Variants in PRDM16 observed in about 807,000 individuals in gnomAD.
PRDM16 encodes the protein histone-lysine N-methyltransferase PRDM16.
PRDM16 carries 23 observed loss-of-function variants against 110.6 expected under a neutral mutation model. The observed-to-expected ratio is 0.21, with a 90% CI of 0.15 to 0.29. PRDM16 has a LOEUF of 0.29. PRDM16 is among the 10% of genes least tolerant of loss of function. PRDM16 has a pLI of 1.00. For missense variants in PRDM16, 1,615 were observed against 1,794.3 expected (o/e 0.90, Z 1.81); for synonymous variants, 799 against 781.8 (o/e 1.02, Z -0.37).
In PRDM16 at chr1:3,327,262, A is replaced by T. The variant is rs1641934106; in HGVS notation, c.439-57890A>T. Among the ~76,000 whole-genome samples, 3 of 152,182 alleles carry T rather than the reference A, an allele frequency of 2.0e-5. No individual in the cohort carries two copies. The South Asian group carries it at 6.2e-4, about 31-fold the overall frequency. Reference sequence around the variant, plus strand: ...ATCCAGGTGTGGCCGCCCCATGCAGAACTCTGCCTGTGAGGTCTTTGCTGG... The same window carrying T: ...ATCCAGGTGTGGCCGCCCCATGCAGTACTCTGCCTGTGAGGTCTTTGCTGG... On this transcript the variant is annotated intron_variant, in intron 3 of 16. Transcript: ENST00000270722.
chr1:3,266,832 C>T (rs1424764291), intron 3 of PRDM16, among the ~76,000 whole-genome samples: 1 of 152,138 alleles, frequency 6.6e-6, no homozygotes, highest in Non-Finnish European at 1.5e-5. Flanking sequence ...ACCGCCCCCA[C>T]GCCCGGCTAA....
intron 3 of PRDM16, among the ~76,000 whole-genome samples, chr1:3,251,019 G>T (rs529093445): frequency 6.6e-6 from 1 of 152,194 alleles, no homozygotes; most frequent in Non-Finnish European, 1.5e-5. Context: ...CTTCTATTGT[G>T]CTGAGGCTTT....
chr1:3,291,709 G>A (rs1482020968), intron 3 of PRDM16, among the ~76,000 whole-genome samples: 4 of 152,254 alleles, frequency 2.6e-5, no homozygotes, highest in Non-Finnish European at 5.9e-5. Flanking sequence ...GGCAGTGCGG[G>A]GGAGCTTGTT....
intron 1 of PRDM16, among the ~76,000 whole-genome samples, chr1:3,123,731 TC>T (rs1643145157): frequency 6.6e-6 from 1 of 152,186 alleles, no homozygotes; most frequent in Admixed American, 6.5e-5. Flanking sequence ...CTCATTTGCC[TC>T]CCGGTGGCCC....
chr1:3,140,977 G>T (rs746366410), intron 1 of PRDM16, among the ~76,000 whole-genome samples: 1 of 152,182 alleles, frequency 6.6e-6, no homozygotes, highest in Non-Finnish European at 1.5e-5. Flanking sequence ...CCCCAGCATG[G>T]AAACCCAGAG....
chr1:3,387,974 G>A (rs1490582345), intron 4 of PRDM16, among the ~76,000 whole-genome samples: 1 of 152,196 alleles, frequency 6.6e-6, no homozygotes, highest in African/African-American at 2.4e-5. Flanking sequence ...ACGGCCGCAC[G>A]GCCTCGGCAG....
intron 3 of PRDM16, among the ~76,000 whole-genome samples, chr1:3,331,260 G>T (rs903067681): frequency 6.6e-6 from 1 of 151,974 alleles, no homozygotes; most frequent in African/African-American, 2.4e-5. Flanking sequence ...TGCCAGCCTG[G>T]GGGGGGCGCA....
At position 3,092,490 on chromosome 1, in the gene PRDM16, G is replaced by A. The variant is rs1241327624; in HGVS notation, c.37+23194G>A. ...ATCGGGGCATTGTGACCATGGACAT[G>A]CTGGGAGCTGTCTTTTTATTTCCGT... On this transcript the variant is annotated intron_variant, in intron 1 of 16. Coordinates refer to ENST00000270722, the MANE Select transcript of PRDM16 (RefSeq NM_022114.4). 2.4e-5 allele frequency among the ~76,000 whole-genome samples: 3 copies of A among 122,476 alleles called. No individual in the cohort carries two copies. The East Asian group carries it at 7.3e-4, about 30-fold the overall frequency. The allele number at this position is 122,476 out of a possible 152,430, so 80.3% of individuals were successfully genotyped here.
chr1:3,378,116 T>A (rs1643027264), intron 3 of PRDM16, among the ~76,000 whole-genome samples: 1 of 152,174 alleles, frequency 6.6e-6, no homozygotes, highest in Admixed American at 6.5e-5. Flanking sequence ...CTTGGCGCTG[T>A]CCCCACCTGG....
chr1:3,114,500 G>GCACGCACACACA (rs1642903845), intron 1 of PRDM16, among the ~76,000 whole-genome samples: 1 of 150,000 alleles, frequency 6.7e-6, no homozygotes. Context: ...ACGCACACAC[G>GCACGCACACACA]CGCATGCACA....
At chr1:3,367,852 C>T (rs906905021) in intron 3 of PRDM16, among the ~76,000 whole-genome samples, 2 of 152,044 alleles carry the variant, frequency 1.3e-5, no homozygotes, top group African/African-American at 4.8e-5. Context: ...AAAAGGCAAG[C>T]TTGTCTTCAA....
rs528676026 is a variant in PRDM16, at chr1:3,353,003, G to A, written c.439-32149G>A. Among the ~76,000 whole-genome samples, 9 of 152,338 alleles carry A rather than the reference G, an allele frequency of 5.9e-5. No homozygotes were observed. In the East Asian group the frequency reaches 9.7e-4, roughly 16 times the overall value. ...CGTGGCCGGAGGCAGAGGGCTTCCC[G>A]GTTGGGCTGAGGGCTGTTTCAGAGC... On this transcript the variant is annotated intron_variant, in intron 3 of 16. Transcript: ENST00000270722. The surrounding 1 kb of genome is among the most constrained non-coding windows in gnomAD (Gnocchi z 5.4).
chr1:3,105,771 A>G (rs1642638123), intron 1 of PRDM16, among the ~76,000 whole-genome samples: 1 of 152,238 alleles, frequency 6.6e-6, no homozygotes, highest in African/African-American at 2.4e-5. Flanking sequence ...TCCCGCCCTG[A>G]GAACGGGGCT....
chr1:3,412,259 G>A lies in PRDM16; in HGVS notation c.2062G>A (p.Ala688Thr), dbSNP rs367580261. ...PDEQLLTATG[A>T]AGDSIKAIAS... The stretch of plus-strand genomic sequence containing the variant: ...CGAGCAGCTGCTGACTGCAACGGGC[G>A]CCGCCGGGGACTCCATCAAGGCCAT... Residue 688 changes from alanine to threonine, a missense_variant, in exon 9 of 17, where the codon GCC (alanine) becomes ACC (threonine). By Grantham distance (58) the Ala-to-Thr change is moderately conservative. This residue lies in a region of PRDM16 where 772 missense variants were observed against 748.3 expected (regional missense o/e 1.03). Transcript: ENST00000270722. 96 of 1,612,236 alleles carry A rather than the reference G, an allele frequency of 6.0e-5. No individual in the cohort carries two copies. The highest frequency in any genetic ancestry group is 4.5e-4 in the East Asian group (20 of 44,814).
intron 5 of PRDM16, among the ~76,000 whole-genome samples, chr1:3,398,982 T>G (rs1041603989): frequency 6.6e-6 from 1 of 152,192 alleles, no homozygotes; most frequent in Non-Finnish European, 1.5e-5. Flanking sequence ...GCTGGACACA[T>G]TCCCTCTGCA....
intron 1 of PRDM16, among the ~76,000 whole-genome samples, chr1:3,137,552 T>G (rs952988906): frequency 6.6e-6 from 1 of 152,092 alleles, no homozygotes; most frequent in Non-Finnish European, 1.5e-5. Context: ...TGTGGCAAGG[T>G]CCCGAAGAAC....
intron 3 of PRDM16, among the ~76,000 whole-genome samples, chr1:3,336,821 T>C (rs1479524993): frequency 6.6e-6 from 1 of 151,146 alleles, no homozygotes; most frequent in African/African-American, 2.4e-5. Context: ...AGTGAGTCTG[T>C]GTGTGCATGA....
At chr1:3,281,610 T>C (rs1640712795) in intron 3 of PRDM16, among the ~76,000 whole-genome samples, 1 of 152,162 alleles carries the variant, frequency 6.6e-6, no homozygotes, top group African/African-American at 2.4e-5. Context: ...TATGACCAGA[T>C]TGATTGATGA....
chr1:3,187,597 G>T (rs951134746), intron 2 of PRDM16, among the ~76,000 whole-genome samples: 2 of 152,154 alleles, frequency 1.3e-5, no homozygotes, highest in South Asian at 4.1e-4. Flanking sequence ...CCCCGGGCTG[G>T]CGGCATTAAG....
Sources: gnomAD v4.1 joint callset for allele counts (sites outside exome capture counted in the v4.1 genomes callset) on GRCh38, gnomAD v4.1.1 for gene constraint, gnomAD v4.1.1 regional missense constraint, Gnocchi (gnomAD v3.1) non-coding constraint, MANE v1.5 for transcripts, NCBI Gene and HGNC (gene_info 2026-07-23, HGNC 2026-07-21) for gene names.